GAL3ST4: variants seen among roughly 807,000 people sequenced by gnomAD.
GAL3ST4 encodes the protein beta-galactose-3-O-sulfotransferase 4.
In GAL3ST4, 30 loss-of-function variants were observed where a neutral mutation model predicts 31.6. The observed-to-expected ratio is 0.95, with a 90% CI of 0.71 to 1.29. The LOEUF (loss-of-function observed/expected upper bound fraction) is 1.29, where lower values mean the gene tolerates loss of function less well. Ranked by LOEUF, GAL3ST4 falls within the 50% of genes most tolerant of loss-of-function variation. The pLI is 0.00. For missense variants in GAL3ST4, 629 were observed against 625.2 expected (o/e 1.01, Z -0.06); for synonymous variants, 248 against 256.9 (o/e 0.97, Z 0.33).
chr7:100,160,496 AAGAC>A lies in GAL3ST4; in HGVS notation c.889_892del (p.Val297LeufsTer25). ...GTACTCAGCCACCATGACCAGGTCA[AAGAC>A]AGAGTCCAGCCATGCCAGACCCCAC... On this transcript the variant is annotated frameshift_variant, in exon 4 of 4. Transcript: ENST00000360039. LOFTEE classifies it high-confidence loss of function. The A allele has an allele frequency of 6.2e-7, 1 of 1,614,096 alleles. No individual in the cohort carries two copies.
intron 1 of GAL3ST4, 83 bp from the exon 2 acceptor site, chr7:100,167,366 CCTT>C (rs1463526814): frequency 4.5e-6 from 3 of 665,252 alleles, no homozygotes; most frequent in African/African-American, 1.8e-5. Flanking sequence ...GCTGAGACCT[CCTT>C]CAGGGAAGGG....
rs149961692 is a variant in GAL3ST4, at chr7:100,159,975, G to C, written c.1414C>G (p.Pro472Ala). The change falls in exon 4 of 4, where the codon CCT becomes GCT. Residue 472 changes from proline to alanine, a missense_variant. Physicochemically the swap from Pro to Ala is conservative, Grantham distance 27. Transcript: ENST00000360039. ...KDKLDAKQFP[P>A]TVSLPLKTSR... Reference sequence around the variant, plus strand: ...GTCTTGAGGGGCAGTGAGACGGTAGGGGGGAACTGCTTGGCATCCAGCTTG... The same window carrying C: ...GTCTTGAGGGGCAGTGAGACGGTAGCGGGGAACTGCTTGGCATCCAGCTTG... 14 of 1,613,538 alleles carry C rather than the reference G, an allele frequency of 8.7e-6. No homozygotes were observed. Among genetic ancestry groups the C allele is most frequent in the Middle Eastern group, 1.7e-4 (1 of 6,058 alleles).
In GAL3ST4 at chr7:100,160,649, G is replaced by A. The variant is rs750676606; in HGVS notation, c.740C>T (p.Ala247Val). 3 of 1,613,946 alleles carry A rather than the reference G, an allele frequency of 1.9e-6. No individual in the cohort carries two copies. ...ATTGAGGGTTTGGGCTCGAGGGCCA[G>A]CACCAGAAGGCAAGACCTGCAGCTG... Reference protein sequence around the residue: ...PPQLQVLPSGAGPRAQTLNPN... With the variant: ...PPQLQVLPSGVGPRAQTLNPN... Residue 247 changes from alanine (A) to valine (V), a missense_variant, in exon 4 of 4, where the codon GCT (alanine) becomes GTT (valine). Physicochemically the swap from Ala to Val is moderately conservative, Grantham distance 64 (BLOSUM62 0). Transcript: ENST00000360039.
Position 100,166,592 on chromosome 7 carries a change from G to A in GAL3ST4, c.339C>T (p.Ala113=). ...YQFGYPKLFQ[A]SRVKGYRPQG... is the part of the protein sequence containing the mutation. ...GTGGGCGGTAGCCTTTTACCCTAGA[G>A]GCCTGGAAGAGCTTTGGGTAGCCAA... is the stretch of plus-strand genomic sequence containing the variant. The change falls in exon 3 of 4, where the codon GCC becomes GCT. Residue 113 remains alanine (A), a synonymous_variant. Transcript: ENST00000360039. 3 of 1,614,230 alleles carry A rather than the reference G, an allele frequency of 1.9e-6. No homozygotes were observed. The highest frequency in any genetic ancestry group is 2.5e-6 in the Non-Finnish European group (3 of 1,180,036).
At chr7:100,163,936 T>G (rs1799038282) in intron 3 of GAL3ST4, among the ~76,000 whole-genome samples, 1 of 152,228 alleles carries the variant, frequency 6.6e-6, no homozygotes, top group Non-Finnish European at 1.5e-5. Flanking sequence ...TCTGTGACTT[T>G]GGGCGGGTTA....
chr7:100,160,321 A>G lies in GAL3ST4; in HGVS notation c.1068T>C (p.Thr356=), dbSNP rs753037508. 2 of 1,613,838 alleles carry G rather than the reference A, an allele frequency of 1.2e-6. No homozygotes were observed. The highest frequency in any genetic ancestry group is 1.7e-6 in the Non-Finnish European group (2 of 1,179,932). The change falls in exon 4 of 4, where the codon ACT becomes ACC. Residue 356 remains threonine (T), a synonymous_variant. Transcript: ENST00000360039. ...GGTTGTTCCAGGCTCGGGCCCGTGCAGTCAGCTGCCGGTCCTCCGCAGTCA... is the reference window on the plus strand; with the variant it reads ...GGTTGTTCCAGGCTCGGGCCCGTGCGGTCAGCTGCCGGTCCTCCGCAGTCA... The part of the protein sequence containing the change: ...SGLTAEDRQL[T]ARARAWNNLD...
intron 3 of GAL3ST4, among the ~76,000 whole-genome samples, chr7:100,162,143 C>T (rs923032418): frequency 4.6e-5 from 7 of 151,848 alleles, no homozygotes; most frequent in South Asian, 2.1e-4. Context: ...TAAATTAGCG[C>T]GGTATCCTGG....
chr7:100,167,830 TTC>T (rs1191071108), intron 1 of GAL3ST4: 2 of 152,468 alleles, frequency 1.3e-5, no homozygotes, highest in Admixed American at 6.5e-5. Context: ...CGCCTCTTTT[TTC>T]TCTGTCTCAG....
rs1243105024 is a variant in GAL3ST4 at position 100,168,230 on chromosome 7, C to T, written c.-189+316G>A. On this transcript the variant is annotated intron_variant, in intron 1 of 3. Transcript: ENST00000360039. This position sits in a 1 kb window ranked among gnomAD's most constrained non-coding sequence, Gnocchi z 4.1. ...AACAAGCCCCGACAGCTCCCTGCTC[C>T]GATGAGCCAGGGGTAACCCCAAGCA... is the stretch of plus-strand genomic sequence containing the variant. 1 of 152,192 alleles carries T rather than the reference C, an allele frequency of 6.6e-6. No individual in the cohort carries two copies. Among genetic ancestry groups the T allele is most frequent in the African/African-American group, 2.4e-5 (1 of 41,380 alleles). 9.4% of individuals were successfully genotyped at this position (152,192 alleles called of 1,614,324 possible).
chr7:100,165,819 TCACACACACA>T (rs61284255), intron 3 of GAL3ST4, among the ~76,000 whole-genome samples: 30 of 136,374 alleles, frequency 2.2e-4, no homozygotes, highest in Non-Finnish European at 3.4e-4. Context: ...AGACCCTGTC[TCACACACACA>T]CACACACACA....
At chr7:100,165,817 T>TCACACACACACA (rs1491177370) in intron 3 of GAL3ST4, among the ~76,000 whole-genome samples, 8 of 55,280 alleles carry the variant, frequency 1.4e-4, no homozygotes, top group South Asian at 6.3e-4. Context: ...TGAGACCCTG[T>TCACACACACACA]CTCACACACA....
chr7:100,162,014 C>A (rs7787294), intron 3 of GAL3ST4, among the ~76,000 whole-genome samples: 82,121 of 151,878 alleles, frequency 0.54, 22,336 homozygotes, highest in East Asian at 0.64. Flanking sequence ...TACCTAATGC[C>A]TGCAGGGCTT....
chr7:100,167,065 G>A lies in GAL3ST4; in HGVS notation c.31C>T (p.Arg11Trp), dbSNP rs755921188. The change falls in exon 2 of 4, where the codon CGG (arginine) becomes TGG (tryptophan). Residue 11 changes from arginine (R) to tryptophan (W), a missense_variant. By Grantham distance (101) the Arg-to-Trp change is moderately radical. Coordinates refer to ENST00000360039, the MANE Select transcript of GAL3ST4 (RefSeq NM_024637.5). ...CCCAGGCTCCGAGGTCCCCAGAGCC[G>A]CAGCGTCCTGGCAGGAGAGAGAGGG... MGPLSPARTL[R>W]LWGPRSLGVA... 31 of 1,557,002 alleles carry A rather than the reference G, an allele frequency of 2.0e-5. No individual in the cohort carries two copies. Among genetic ancestry groups the A allele is most frequent in the South Asian group, 7.1e-5 (6 of 84,384 alleles).
Position 100,159,863 on chromosome 7 carries a change from C to T in GAL3ST4, c.*65G>A, listed in dbSNP as rs530654612. The T allele has an allele frequency of 5.2e-6, 7 of 1,336,888 alleles. No homozygotes were observed. The South Asian group carries it at 9.5e-5, about 18-fold the overall frequency. 82.8% of individuals were successfully genotyped at this position (1,336,888 alleles called of 1,614,324 possible). ...AGATGCAGAAATGGCATCTTGCTGC[C>T]CCCCACTCATCACATGTGCCCTTCA... On this transcript the variant is annotated 3_prime_UTR_variant, in exon 4 of 4. Coordinates refer to ENST00000360039, the MANE Select transcript of GAL3ST4 (RefSeq NM_024637.5).
chr7:100,164,876 CT>C (rs1176405671), intron 3 of GAL3ST4, among the ~76,000 whole-genome samples: 297 of 137,610 alleles, frequency 2.2e-3, no homozygotes, highest in Middle Eastern at 7.5e-3. Context: ...TCTTTCTTTC[CT>C]TTTTTTTTTT....
chr7:100,160,992 T>G, intron 3 of GAL3ST4, 33 bp from the exon 4 acceptor site: 1 of 1,527,802 alleles, frequency 6.5e-7, no homozygotes, highest in Non-Finnish European at 8.8e-7. Context: ...GAGAGAGAAC[T>G]GGGCTGGGGA....
chr7:100,161,085 C>G, intron 3 of GAL3ST4, 126 bp from the exon 4 acceptor site: 1 of 768,820 alleles, frequency 1.3e-6, no homozygotes, highest in Non-Finnish European at 2.0e-6. Flanking sequence ...GCTAGGAATC[C>G]CCAGCTTCCA....
At chr7:100,166,926 A>T in intron 2 of GAL3ST4, 45 bp downstream of exon 2, 3 of 1,581,682 alleles carry the variant, frequency 1.9e-6, no homozygotes, top group Non-Finnish European at 2.6e-6. Flanking sequence ...GGGGAAGAGC[A>T]AGTACGGGGC....
rs1266064443 is a variant in GAL3ST4, at chr7:100,166,544, G to A, written c.387C>T (p.Pro129=). ...YRPQGGGTQL[P]FHILCHHMRF... The stretch of plus-strand genomic sequence containing the variant: ...TCATGTGGTGACAGAGGATGTGGAA[G>A]GGGAGCTGGGTGCCTCCACCCTGTG... The change falls in exon 3 of 4, where the codon CCC becomes CCT. Residue 129 remains proline (P), a synonymous_variant. Transcript: ENST00000360039. The A allele has an allele frequency of 1.2e-6, 2 of 1,614,120 alleles. No homozygotes were observed. The highest frequency in any genetic ancestry group is 1.7e-5 in the Admixed American group (1 of 60,026).
Sources: allele counts gnomAD v4.1 joint callset (sites outside exome capture counted in the v4.1 genomes callset), GRCh38; gene constraint gnomAD v4.1.1; non-coding constraint Gnocchi (gnomAD v3.1); transcripts MANE v1.5; gene names NCBI Gene and HGNC (gene_info 2026-07-23, HGNC 2026-07-21).